Variants in MCTP1 observed in about 807,000 individuals in gnomAD.
MCTP1 encodes the protein multiple C2 and transmembrane domain-containing protein 1.
MCTP1 carries 69 observed loss-of-function variants against 120.6 expected under a neutral mutation model. That is an observed-to-expected ratio of 0.57 (90% CI 0.47 to 0.70). The LOEUF (loss-of-function observed/expected upper bound fraction) is 0.70. Among genes scored for constraint, MCTP1 ranks in the 30% least tolerant of loss-of-function variants. The probability of loss-of-function intolerance (pLI) is 0.00; values close to 1 mark genes in which losing one functional copy is unlikely to be tolerated. For missense variants in MCTP1, 1,203 were observed against 1,248.8 expected (o/e 0.96, Z 0.55); for synonymous variants, 529 against 493.1 (o/e 1.07, Z -0.96).
In MCTP1 at chr5:94,795,403, G is replaced by A. The variant is rs140144165; in HGVS notation, c.2556+3610C>T. Among the ~76,000 whole-genome samples, 280 of 152,244 alleles carry A rather than the reference G, an allele frequency of 1.8e-3. 1 individual carries two copies. The highest frequency in any genetic ancestry group is 6.2e-3 in the African/African-American group (256 of 41,534). On this transcript the variant is annotated intron_variant, in intron 18 of 22. Transcript: ENST00000515393. The stretch of plus-strand genomic sequence containing the variant: ...CACACAGAGCCCACGGTGTAATGAT[G>A]GTTCAGTAGTTTTTAAATCAAAGTA...
At chr5:94,769,343 A>G (rs771419948) in intron 19 of MCTP1, among the ~76,000 whole-genome samples, 7 of 152,206 alleles carry the variant, frequency 4.6e-5, no homozygotes, top group Admixed American at 2.0e-4. Flanking sequence ...CTAACAATTT[A>G]TATTTCAAAA....
At chr5:94,848,825 TA>T (rs1793066321) in intron 17 of MCTP1, among the ~76,000 whole-genome samples, 1 of 151,940 alleles carries the variant, frequency 6.6e-6, no homozygotes, top group African/African-American at 2.4e-5. Context: ...TGCCAATAAA[TA>T]ATCTGTCAGT....
chr5:94,711,881 C>G (rs923945639), intron 20 of MCTP1, among the ~76,000 whole-genome samples: 2 of 152,042 alleles, frequency 1.3e-5, no homozygotes, highest in Non-Finnish European at 2.9e-5. Context: ...TCACTTAAGG[C>G]TTTTTGTGTG....
Position 94,828,479 on chromosome 5 carries a change from C to A in MCTP1, c.2437-29347G>T, listed in dbSNP as rs79079144. Among the ~76,000 whole-genome samples, 848 of 152,340 alleles carry A rather than the reference C, an allele frequency of 5.6e-3. 12 individuals carry two copies. The highest frequency in any genetic ancestry group is 0.019 in the African/African-American group (785 of 41,574). On this transcript the variant is annotated intron_variant, in intron 17 of 22. Transcript: ENST00000515393. The stretch of plus-strand genomic sequence containing the variant: ...ACTGTCCCTTGGCAGAGCTTGAGCG[C>A]ATTGCTGGGAGATCCTCTCATCTCT...
chr5:94,862,776 G>GA (rs1796063192), intron 17 of MCTP1, among the ~76,000 whole-genome samples: 1 of 151,616 alleles, frequency 6.6e-6, no homozygotes, highest in Non-Finnish European at 1.5e-5. Flanking sequence ...GACAATGTTT[G>GA]AAAAAAATTT....
chr5:95,257,936 A>G (rs1389280605), intron 1 of MCTP1, among the ~76,000 whole-genome samples: 1 of 152,328 alleles, frequency 6.6e-6, no homozygotes, highest in East Asian at 1.9e-4. Context: ...ATTGGGTTAT[A>G]ATCCAAAGTA....
chr5:95,137,740 C>G (rs949618663), intron 1 of MCTP1, among the ~76,000 whole-genome samples: 1 of 152,050 alleles, frequency 6.6e-6, no homozygotes, highest in Non-Finnish European at 1.5e-5. Context: ...TTATTGTAAG[C>G]TGCTTCAAAT....
At chr5:94,752,006 C>T (rs1039337265) in intron 19 of MCTP1, among the ~76,000 whole-genome samples, 1 of 148,294 alleles carries the variant, frequency 6.7e-6, no homozygotes, top group Non-Finnish European at 1.5e-5. Context: ...ATACCTAATG[C>T]TAAATGACGA....
intron 6 of MCTP1, 64 bp downstream of exon 6, chr5:94,931,889 C>G (rs998769940): frequency 8.4e-7 from 1 of 1,194,936 alleles, no homozygotes; most frequent in Non-Finnish European, 1.2e-6. Context: ...TGAGAGAGAT[C>G]TGGGAAAGCA....
At chr5:95,069,241 G>A (rs1430940214) in intron 1 of MCTP1, among the ~76,000 whole-genome samples, 1 of 152,212 alleles carries the variant, frequency 6.6e-6, no homozygotes, top group Admixed American at 6.5e-5. Flanking sequence ...AGTGGAAACA[G>A]TGATGAGTGA....
intron 19 of MCTP1, among the ~76,000 whole-genome samples, chr5:94,744,654 C>T (rs1766456826): frequency 1.3e-5 from 2 of 152,148 alleles, no homozygotes; most frequent in South Asian, 4.1e-4. Context: ...CAGGCGTGTG[C>T]CACCACACTG....
chr5:94,770,895 TA>T (rs1355282249), intron 19 of MCTP1, among the ~76,000 whole-genome samples: 1 of 152,180 alleles, frequency 6.6e-6, no homozygotes, highest in East Asian at 1.9e-4. Flanking sequence ...CATCACCTAA[TA>T]AAGCCACAGC....
At chr5:94,886,642 C>T (rs913023190) in intron 12 of MCTP1, among the ~76,000 whole-genome samples, 3 of 152,184 alleles carry the variant, frequency 2.0e-5, no homozygotes, top group Admixed American at 1.3e-4. Flanking sequence ...CCCTCTACAT[C>T]GACAAAATTC....
intron 17 of MCTP1, among the ~76,000 whole-genome samples, chr5:94,865,438 T>C (rs971373996): frequency 1.3e-5 from 2 of 151,816 alleles, no homozygotes; most frequent in African/African-American, 4.8e-5. Flanking sequence ...GCCTGTGCTC[T>C]GTGAGGCAGT....
chr5:94,833,469 T>C (rs1789019901), intron 17 of MCTP1, among the ~76,000 whole-genome samples: 2 of 152,164 alleles, frequency 1.3e-5, no homozygotes, highest in Admixed American at 1.3e-4. Context: ...TGGTAATTTC[T>C]TTGTTTGAAT....
At chr5:95,135,811 C>T (rs144385598) in intron 1 of MCTP1, among the ~76,000 whole-genome samples, 1 of 152,294 alleles carries the variant, frequency 6.6e-6, no homozygotes, top group African/African-American at 2.4e-5. Context: ...AGTTCTGTCC[C>T]TCTAGGGAAC....
intron 1 of MCTP1, among the ~76,000 whole-genome samples, chr5:95,106,564 G>A (rs1030121773): frequency 1.3e-5 from 2 of 152,160 alleles, no homozygotes; most frequent in African/African-American, 2.4e-5. Flanking sequence ...GGTTTGTACT[G>A]GTCATTCTAT....
At chr5:94,985,169 G>T (rs372411154) in intron 2 of MCTP1, among the ~76,000 whole-genome samples, 1 of 152,124 alleles carries the variant, frequency 6.6e-6, no homozygotes, top group South Asian at 2.1e-4. Context: ...CAGAAATGGT[G>T]AGAACCTGTG....
chr5:95,253,336 G>T (rs1757561413), intron 1 of MCTP1, among the ~76,000 whole-genome samples: 1 of 152,070 alleles, frequency 6.6e-6, no homozygotes, highest in Admixed American at 6.6e-5. Context: ...CTGCCAGGGG[G>T]TGGGACAACC....
Sources: gnomAD v4.1 joint callset for allele counts (sites outside exome capture counted in the v4.1 genomes callset) on GRCh38, gnomAD v4.1.1 for gene constraint, MANE v1.5 for transcripts, NCBI Gene and HGNC (gene_info 2026-07-23, HGNC 2026-07-21) for gene names.